Variants in AMD1 observed in about 807,000 individuals in gnomAD.
AMD1 encodes S-adenosylmethionine decarboxylase proenzyme.
AMD1 carries 11 observed loss-of-function variants against 40.2 expected under a neutral mutation model. The ratio of observed to expected loss-of-function variants is 0.27; its 90% confidence interval spans 0.17 to 0.45. The LOEUF (loss-of-function observed/expected upper bound fraction) is 0.45. Ranked by LOEUF, AMD1 falls within the 20% of genes least tolerant of loss-of-function variation. The pLI, the probability that AMD1 is intolerant of heterozygous loss-of-function variation, is 1.00. For synonymous variants in AMD1, 121 were observed against 130.8 expected, an observed-to-expected ratio of 0.93 and a Z score of 0.51; for missense variants, 257 against 410.2, an observed-to-expected ratio of 0.63 and a Z score of 3.23.
At chr6:110,846,287 G>T in the AMD1 span, among the ~76,000 whole-genome samples, 2 of 152,000 alleles carry the variant, frequency 1.3e-5, no homozygotes, top group African/African-American at 4.8e-5. Flanking sequence ...ACATTTAACA[G>T]AAAAGAACAC....
chr6:110,855,793 A>T, the AMD1 span, among the ~76,000 whole-genome samples: 1 of 152,134 alleles, frequency 6.6e-6, no homozygotes, highest in Non-Finnish European at 1.5e-5. Flanking sequence ...TTAAAAGGGG[A>T]TGATGAGCCA....
chr6:110,826,669 C>T, the AMD1 span, among the ~76,000 whole-genome samples: 1 of 150,202 alleles, frequency 6.7e-6, no homozygotes. Context: ...TGTAAACAAA[C>T]TTCCCTTTTC....
chr6:110,878,327 A>G (rs1374717737), intron 1 of AMD1, among the ~76,000 whole-genome samples: 1 of 152,204 alleles, frequency 6.6e-6, no homozygotes, highest in Non-Finnish European at 1.5e-5. Flanking sequence ...AACTTGGCTC[A>G]TCAGTCCAAG....
chr6:110,860,180 C>T, the AMD1 span, among the ~76,000 whole-genome samples: 1 of 152,022 alleles, frequency 6.6e-6, no homozygotes, highest in Admixed American at 6.6e-5. Context: ...CTGGGCCTGA[C>T]CAGTTATACT....
the AMD1 span, among the ~76,000 whole-genome samples, chr6:110,860,505 A>G: frequency 1.3e-4 from 20 of 152,158 alleles, no homozygotes; most frequent in African/African-American, 4.8e-4. Context: ...TGATTAAAAA[A>G]AAACACACAC....
chr6:110,882,813 ATGAG>A (rs779104129), intron 1 of AMD1, among the ~76,000 whole-genome samples: 1 of 152,206 alleles, frequency 6.6e-6, no homozygotes, highest in Non-Finnish European at 1.5e-5. Flanking sequence ...TTAACTGATG[ATGAG>A]TGAGTATAAG....
At position 110,892,116 on chromosome 6, in the gene AMD1, T is replaced by C. The variant is rs1554237881; in HGVS notation, c.428-45T>C. The stretch of plus-strand genomic sequence containing the variant: ...GAAGGGTAGTAACAAACCATCCTAT[T>C]AAATGGATGTGTTATATTTATTTTG... On this transcript the variant is annotated intron_variant, in intron 4 of 8. Coordinates refer to ENST00000368885, the MANE Select transcript of AMD1 (RefSeq NM_001634.6). 2.5e-6 allele frequency: 4 copies of C among 1,600,934 alleles called. No homozygotes were observed. The Admixed American group carries it at 6.7e-5, about 27-fold the overall frequency.
chr6:110,827,874 T>A, the AMD1 span, among the ~76,000 whole-genome samples: 1 of 152,320 alleles, frequency 6.6e-6, no homozygotes, highest in African/African-American at 2.4e-5. Context: ...TAGACAAATT[T>A]CATTCTTAAA....
At chr6:110,815,151 A>G in the AMD1 span, 1 of 1,572,904 alleles carries the variant, frequency 6.4e-7, no homozygotes, top group Non-Finnish European at 8.6e-7. Flanking sequence ...TGCTTCCCCC[A>G]TAGAGGCACG....
chr6:110,836,655 G>A, the AMD1 span, among the ~76,000 whole-genome samples: 1 of 152,036 alleles, frequency 6.6e-6, no homozygotes, highest in Non-Finnish European at 1.5e-5. Flanking sequence ...GGCTTGTTTT[G>A]TTTATTTGTT....
chr6:110,867,579 G>A, the AMD1 span, among the ~76,000 whole-genome samples: 6 of 152,124 alleles, frequency 3.9e-5, no homozygotes, highest in East Asian at 1.9e-4. Context: ...CTCCAGAATC[G>A]CTTGAACCAG....
intron 1 of AMD1, among the ~76,000 whole-genome samples, chr6:110,885,571 C>CA (rs1337462784): frequency 1.3e-5 from 2 of 152,218 alleles, no homozygotes; most frequent in African/African-American, 4.8e-5. Flanking sequence ...GCTGGGATTA[C>CA]AGGCGTGTGC....
the AMD1 span, chr6:110,816,065 A>G: frequency 2.0e-5 from 3 of 152,180 alleles, no homozygotes; most frequent in Admixed American, 6.5e-5. Context: ...TTTACGATGC[A>G]AAAACCGTAT....
At chr6:110,854,245 A>G in the AMD1 span, among the ~76,000 whole-genome samples, 7 of 152,172 alleles carry the variant, frequency 4.6e-5, no homozygotes, top group African/African-American at 1.7e-4. Context: ...CCACACCTTT[A>G]TTGCTAAAGA....
chr6:110,836,267 G>A, the AMD1 span, among the ~76,000 whole-genome samples: 4 of 151,902 alleles, frequency 2.6e-5, no homozygotes, highest in East Asian at 1.9e-4. Flanking sequence ...CATCTTTGGA[G>A]GTGTTAAAAA....
the AMD1 span, chr6:110,864,410 C>CTAATT: frequency 6.5e-6 from 1 of 154,230 alleles, no homozygotes; most frequent in East Asian, 1.9e-4. Flanking sequence ...TTAAAGTGAA[C>CTAATT]CAGTTAATGT....
upstream of AMD1, chr6:110,874,781 T>G (rs552059130): frequency 1.3e-3 from 262 of 206,488 alleles, 1 homozygote; most frequent in Middle Eastern, 3.5e-3. Context: ...CACGCAGCGC[T>G]CTCGCTTACA....
At chr6:110,889,857 T>G (rs1478965149) in intron 3 of AMD1, 2 of 160,578 alleles carry the variant, frequency 1.2e-5, no homozygotes, top group Non-Finnish European at 2.7e-5. Context: ...CAATGTGTGC[T>G]TAACCGATGC....
chr6:110,830,666 C>T, the AMD1 span, among the ~76,000 whole-genome samples: 2 of 152,218 alleles, frequency 1.3e-5, no homozygotes, highest in Admixed American at 6.5e-5. Context: ...GGAGCAGTAC[C>T]TCTGCTGCTG....
Sources: allele counts gnomAD v4.1 joint callset (sites outside exome capture counted in the v4.1 genomes callset), GRCh38; gene constraint gnomAD v4.1.1; transcripts MANE v1.5; gene names NCBI Gene and HGNC (gene_info 2026-07-23, HGNC 2026-07-21).